ROBO2: variants seen among roughly 807,000 people sequenced by gnomAD.
The protein encoded by ROBO2 is roundabout guidance receptor 2.
A neutral mutation model predicts 160.8 loss-of-function variants in ROBO2; 53 were observed. That is an observed-to-expected ratio of 0.33 (90% CI 0.26 to 0.41). The LOEUF is 0.41. Among genes scored for constraint, ROBO2 ranks in the 10% least tolerant of loss-of-function variants. The pLI is 1.00. For synonymous variants in ROBO2, 664 were observed against 611.7 expected (o/e 1.09, Z -1.26); for missense variants, 1,577 against 1,722.4 (o/e 0.92, Z 1.49).
At chr3:76,983,369 CA>C (rs2060200682) in intron 2 of ROBO2, among the ~76,000 whole-genome samples, 2 of 151,920 alleles carry the variant, frequency 1.3e-5, no homozygotes, top group South Asian at 4.1e-4. Context: ...CAAATTTTTT[CA>C]AAGATTTGAA....
At chr3:77,332,188 G>A (rs2066040208) in intron 2 of ROBO2, among the ~76,000 whole-genome samples, 1 of 152,076 alleles carries the variant, frequency 6.6e-6, no homozygotes, top group Admixed American at 6.5e-5. Context: ...GTATTTTTAT[G>A]TCTATTGCCT....
At chr3:76,830,437 C>T (rs998952122) in intron 2 of ROBO2, among the ~76,000 whole-genome samples, 1 of 152,050 alleles carries the variant, frequency 6.6e-6, no homozygotes, top group African/African-American at 2.4e-5. Flanking sequence ...TTCATAATTT[C>T]AACAAAATAC....
At chr3:77,527,709 G>A (rs775716) in intron 6 of ROBO2, among the ~76,000 whole-genome samples, 108,000 of 151,288 alleles carry the variant, frequency 0.71, 38,824 homozygotes, top group East Asian at 0.81. Context: ...TATTGTATTA[G>A]GATACAATAA....
At chr3:77,591,045 A>C (rs1213360217) in intron 17 of ROBO2, among the ~76,000 whole-genome samples, 1 of 152,162 alleles carries the variant, frequency 6.6e-6, no homozygotes, top group Non-Finnish European at 1.5e-5. Context: ...TGAAGATAAC[A>C]GATTTTATGA....
At chr3:76,992,561 AT>A (rs917666516) in intron 2 of ROBO2, among the ~76,000 whole-genome samples, 11 of 151,682 alleles carry the variant, frequency 7.3e-5, no homozygotes, top group Non-Finnish European at 1.3e-4. Flanking sequence ...GAGAAAAAAA[AT>A]CATGCACTTG....
chr3:76,393,392 G>A (rs1035070911), intron 2 of ROBO2, among the ~76,000 whole-genome samples: 1 of 152,120 alleles, frequency 6.6e-6, no homozygotes, highest in Non-Finnish European at 1.5e-5. Flanking sequence ...AAATTTCATT[G>A]TAGAAAATTT....
intron 2 of ROBO2, among the ~76,000 whole-genome samples, chr3:76,732,153 G>A (rs1435568823): frequency 6.6e-6 from 1 of 152,118 alleles, no homozygotes; most frequent in Non-Finnish European, 1.5e-5. Context: ...TAGCAAGAAA[G>A]TGAACCCCTG....
chr3:77,201,036 C>T (rs927577139), intron 2 of ROBO2, among the ~76,000 whole-genome samples: 3 of 152,176 alleles, frequency 2.0e-5, no homozygotes, highest in African/African-American at 7.2e-5. Context: ...ATATATGAAG[C>T]TCCTACTAGG....
intron 2 of ROBO2, among the ~76,000 whole-genome samples, chr3:76,382,981 G>T (rs994705926): frequency 1.3e-5 from 2 of 152,120 alleles, no homozygotes; most frequent in East Asian, 3.9e-4. Context: ...TGGTAATAAA[G>T]TTAGTTTTAA....
chr3:76,173,657 C>A (rs1219258755), intron 2 of ROBO2, among the ~76,000 whole-genome samples: 1 of 152,102 alleles, frequency 6.6e-6, no homozygotes, highest in Non-Finnish European at 1.5e-5. Flanking sequence ...ATGATGGCTT[C>A]CAGCTTCATC....
At chr3:76,220,937 CA>C (rs1703925321) in intron 2 of ROBO2, among the ~76,000 whole-genome samples, 1 of 152,148 alleles carries the variant, frequency 6.6e-6, no homozygotes, top group Non-Finnish European at 1.5e-5. Flanking sequence ...GCAGGGTGGT[CA>C]CAACTAAACC....
At chr3:76,502,851 G>A (rs2080544615) in intron 2 of ROBO2, among the ~76,000 whole-genome samples, 1 of 152,060 alleles carries the variant, frequency 6.6e-6, no homozygotes, top group African/African-American at 2.4e-5. Context: ...ACCAACCCCT[G>A]AACAACAGCA....
At chr3:77,309,000 TTCTGACTCTAC>T (rs1259833605) in intron 2 of ROBO2, among the ~76,000 whole-genome samples, 1 of 152,064 alleles carries the variant, frequency 6.6e-6, no homozygotes, top group Non-Finnish European at 1.5e-5. Flanking sequence ...TGGATTCTAA[TTCTGACTCTAC>T]TAATGATGGG....
intron 2 of ROBO2, among the ~76,000 whole-genome samples, chr3:76,680,655 T>G (rs886148421): frequency 3.9e-5 from 6 of 152,298 alleles, no homozygotes; most frequent in Admixed American, 1.3e-4. Context: ...TTCTATTCAC[T>G]CCTTTAGTTT....
At chr3:77,579,356 G>T (rs1207241933) in intron 15 of ROBO2, among the ~76,000 whole-genome samples, 1 of 151,798 alleles carries the variant, frequency 6.6e-6, no homozygotes, top group African/African-American at 2.4e-5. Flanking sequence ...TAGATTTATT[G>T]CTGTCAACGT....
Position 77,347,406 on chromosome 3 carries a change from G to A in ROBO2, c.389-130008G>A, listed in dbSNP as rs969179760. ...TCCATGTTCTTAAAACATTTTTGTAGCAATTTTCCCTCTTTCCTTCCCTCT... is the reference window on the plus strand; with the variant it reads ...TCCATGTTCTTAAAACATTTTTGTAACAATTTTCCCTCTTTCCTTCCCTCT... On this transcript the variant is annotated intron_variant, in intron 2 of 25. Coordinates refer to ENST00000461745, the Ensembl canonical transcript of ROBO2. Among the ~76,000 whole-genome samples the A allele has an allele frequency of 2.6e-5, 4 of 151,786 alleles. No individual in the cohort carries two copies. The East Asian group carries it at 7.7e-4, about 29-fold the overall frequency.
At chr3:77,517,306 A>C (rs1334027088) in intron 5 of ROBO2, among the ~76,000 whole-genome samples, 1 of 151,550 alleles carries the variant, frequency 6.6e-6, no homozygotes, top group Non-Finnish European at 1.5e-5. Flanking sequence ...GAACATTCCA[A>C]GAATTTGCAA....
chr3:77,512,505 A>G (rs187913765), intron 5 of ROBO2, among the ~76,000 whole-genome samples: 10 of 152,124 alleles, frequency 6.6e-5, no homozygotes, highest in Non-Finnish European at 1.5e-4. Flanking sequence ...AGATGGATGT[A>G]TCTCCATGTC....
chr3:76,526,650 C>T (rs1678840455), intron 2 of ROBO2, among the ~76,000 whole-genome samples: 1 of 151,850 alleles, frequency 6.6e-6, no homozygotes, highest in Admixed American at 6.6e-5. Flanking sequence ...GGTTAATTTT[C>T]TCTCCCAATG....
Sources: gnomAD v4.1 joint callset for allele counts (sites outside exome capture counted in the v4.1 genomes callset) on GRCh38, gnomAD v4.1.1 for gene constraint, MANE v1.5 for transcripts, NCBI Gene and HGNC (gene_info 2026-07-23, HGNC 2026-07-21) for gene names.